VPS36: variants seen among roughly 807,000 people sequenced by gnomAD.
VPS36 encodes vacuolar protein sorting 36 homolog, also known as vacuolar protein-sorting-associated protein 36.
VPS36 carries 31 observed loss-of-function variants against 63.5 expected under a neutral mutation model. The ratio of observed to expected loss-of-function variants is 0.49; its 90% CI spans 0.37 to 0.66. VPS36 has a LOEUF of 0.66. Ranked by LOEUF, VPS36 falls within the 30% of genes least tolerant of loss-of-function variation. The probability of loss-of-function intolerance (pLI) is 0.00; values close to 1 mark genes in which losing one functional copy is unlikely to be tolerated. For synonymous variants in VPS36, 138 were observed against 157.2 expected (o/e 0.88, Z 0.91); for missense variants, 338 against 463.7 (o/e 0.73, Z 2.49).
intron 10 of VPS36, among the ~76,000 whole-genome samples, chr13:52,419,118 T>C (rs1958021745): frequency 1.3e-5 from 2 of 152,254 alleles, no homozygotes; most frequent in South Asian, 4.1e-4. Context: ...ATGGCAGCTA[T>C]GATCAGCATT....
chr13:52,427,091 A>T, intron 7 of VPS36, 25 bp from the exon 8 acceptor site: 1 of 1,605,588 alleles, frequency 6.2e-7, no homozygotes, highest in Non-Finnish European at 8.5e-7. Flanking sequence ...GTAAAGACTG[A>T]AAAGCACTAT....
At chr13:52,439,433 A>AT (rs1156844987) in intron 2 of VPS36, among the ~76,000 whole-genome samples, 2 of 151,534 alleles carry the variant, frequency 1.3e-5, no homozygotes, top group East Asian at 3.9e-4. Context: ...TATTTTCTTT[A>AT]TTATTATTAT....
At chr13:52,443,826 A>C (rs1014097370) in intron 1 of VPS36, among the ~76,000 whole-genome samples, 4 of 152,160 alleles carry the variant, frequency 2.6e-5, no homozygotes, top group Admixed American at 2.0e-4. Flanking sequence ...TAAATAAGCA[A>C]ATTTTAGAGT....
rs115950283 is a variant in VPS36, at chr13:52,429,819, C to G, written c.529-2600G>C. Among the ~76,000 whole-genome samples, 1,123 of 152,112 alleles carry G rather than the reference C, an allele frequency of 7.4e-3. 6 individuals carry two copies. The highest frequency in any genetic ancestry group is 0.017 in the African/African-American group (699 of 41,494). ...GTATCAGAAAGAAAAATACAAGTAG[C>G]AATGCCAGGATCTAGGCAGGAGAAA... On this transcript the variant is annotated intron_variant, in intron 6 of 13. Transcript: ENST00000378060.
Position 52,434,796 on chromosome 13 carries a change from G to C in VPS36, c.438C>G (p.Pro146=), listed in dbSNP as rs774427233. The C allele has an allele frequency of 6.2e-7, 1 of 1,612,036 alleles. No homozygotes were observed. Among genetic ancestry groups the C allele is most frequent in the Non-Finnish European group, 8.5e-7 (1 of 1,179,034 alleles). Residue 146 remains proline (P), a synonymous_variant, in exon 5 of 14, where the codon CCC becomes CCG. Coordinates refer to ENST00000378060, the MANE Select transcript of VPS36 (RefSeq NM_016075.4). ...VSQSLQTNRG[P]QPGRIRAVGI... is the part of the protein sequence containing the mutation. Reference sequence around the variant, plus strand: ...TAGCAAATAGTTTTAAAAATACCTGGGGTCCTCTATTTGTTTGTAATGACT... The same window carrying C: ...TAGCAAATAGTTTTAAAAATACCTGCGGTCCTCTATTTGTTTGTAATGACT...
intron 6 of VPS36, among the ~76,000 whole-genome samples, chr13:52,428,676 A>G (rs550278906): frequency 6.6e-6 from 1 of 152,352 alleles, no homozygotes; most frequent in Non-Finnish European, 1.5e-5. Flanking sequence ...CCTAGTTTTC[A>G]AAAATAAAAC....
intron 9 of VPS36, among the ~76,000 whole-genome samples, chr13:52,425,039 T>C (rs1473741797): frequency 6.8e-6 from 1 of 146,930 alleles, no homozygotes; most frequent in Non-Finnish European, 1.5e-5. Flanking sequence ...GGCGGGCGGA[T>C]CATGAGGTCA....
At chr13:52,420,752 T>C (rs1038806375) in intron 10 of VPS36, among the ~76,000 whole-genome samples, 4 of 152,234 alleles carry the variant, frequency 2.6e-5, no homozygotes, top group African/African-American at 9.6e-5. Context: ...ACACATTATA[T>C]GCTTGTATCA....
chr13:52,423,063 T>C (rs1035146602), intron 10 of VPS36, among the ~76,000 whole-genome samples: 2 of 152,206 alleles, frequency 1.3e-5, no homozygotes, highest in African/African-American at 4.8e-5. Flanking sequence ...TGTGACTTGC[T>C]CCTCCTTGCC....
intron 1 of VPS36, 172 bp downstream of exon 1, chr13:52,450,327 C>T (rs1958389267): frequency 2.5e-6 from 3 of 1,179,654 alleles, no homozygotes; most frequent in Non-Finnish European, 2.1e-6. Flanking sequence ...GTGCTACCGA[C>T]CGGCGGGGAG....
chr13:52,434,963 CTTTTTTTCTTT>C lies in VPS36; in HGVS notation c.352-92_352-82del, dbSNP rs1958199166. On this transcript the variant is annotated intron_variant, in intron 4 of 13. Transcript: ENST00000378060. ...ATAAATCATTACTTAACATTTCTTT[CTTTTTTTCTTT>C]TTTTTTTTTTTTTTGAGGTGGAGTT... 4.5e-5 allele frequency: 47 copies of C among 1,050,610 alleles called. No individual in the cohort carries two copies. In the African/African-American group the frequency reaches 5.1e-4, roughly 11 times the overall value. The allele number at this position is 1,050,610 out of a possible 1,614,324, so 65.1% of individuals were successfully genotyped here.
chr13:52,429,786 G>C (rs537785535), intron 6 of VPS36, among the ~76,000 whole-genome samples: 1 of 152,156 alleles, frequency 6.6e-6, no homozygotes, highest in Non-Finnish European at 1.5e-5. Context: ...CATTGAGTTA[G>C]TATGGCAGTA....
chr13:52,427,352 T>C, intron 6 of VPS36, 133 bp from the exon 7 acceptor site: 1 of 827,614 alleles, frequency 1.2e-6, no homozygotes, highest in Non-Finnish European at 1.9e-6. Context: ...ACGCCTATAA[T>C]CCCAGCACTC....
At chr13:52,420,067 C>G (rs1299874725) in intron 10 of VPS36, among the ~76,000 whole-genome samples, 1 of 151,834 alleles carries the variant, frequency 6.6e-6, no homozygotes, top group Non-Finnish European at 1.5e-5. Context: ...ATGGAGAAAC[C>G]CCGTCTCTAC....
chr13:52,432,281 GC>G (rs965636054), intron 6 of VPS36, among the ~76,000 whole-genome samples: 6 of 152,072 alleles, frequency 3.9e-5, no homozygotes, highest in African/African-American at 1.2e-4. Flanking sequence ...AACCTGGGAG[GC>G]AGAGCTTGCA....
chr13:52,443,216 G>A (rs1298712265), intron 1 of VPS36, among the ~76,000 whole-genome samples: 9 of 151,872 alleles, frequency 5.9e-5, no homozygotes, highest in Admixed American at 2.6e-4. Flanking sequence ...AAAAGCACTC[G>A]AAAAAAATCA....
chr13:52,430,642 A>AC (rs1302861625), intron 6 of VPS36, among the ~76,000 whole-genome samples: 1 of 152,068 alleles, frequency 6.6e-6, no homozygotes, highest in Non-Finnish European at 1.5e-5. Flanking sequence ...AAAAAAAAAA[A>AC]AAGTAAGTTA....
At chr13:52,418,522 C>T (rs1958015014) in intron 10 of VPS36, among the ~76,000 whole-genome samples, 1 of 145,420 alleles carries the variant, frequency 6.9e-6, no homozygotes, top group African/African-American at 2.6e-5. Flanking sequence ...TTGCAGTTAG[C>T]CGAGATCGCA....
At chr13:52,447,597 G>A (rs775157581) in intron 1 of VPS36, among the ~76,000 whole-genome samples, 3 of 152,172 alleles carry the variant, frequency 2.0e-5, no homozygotes, top group Admixed American at 6.5e-5. Flanking sequence ...GCACTTGGGC[G>A]TGGGAAGAGC....
Sources: allele counts gnomAD v4.1 joint callset (sites outside exome capture counted in the v4.1 genomes callset), GRCh38; gene constraint gnomAD v4.1.1; transcripts MANE v1.5; gene names NCBI Gene and HGNC (gene_info 2026-07-23, HGNC 2026-07-21).